KIF26B: variants seen among roughly 807,000 people sequenced by gnomAD.
The protein encoded by KIF26B is kinesin-like protein KIF26B.
A neutral mutation model predicts 151.2 loss-of-function variants in KIF26B; 63 were observed. That is an observed-to-expected ratio of 0.42 (90% CI 0.34 to 0.51). The LOEUF is 0.51. Ranked by LOEUF, KIF26B falls within the 20% of genes least tolerant of loss-of-function variation. The probability of loss-of-function intolerance (pLI) is 0.07; values close to 1 mark genes in which losing one functional copy is unlikely to be tolerated. For synonymous variants in KIF26B, 1,357 were observed against 1,262.1 expected (o/e 1.08, Z -1.59); for missense variants, 2,813 against 2,913.6 (o/e 0.97, Z 0.79).
chr1:245,667,430 C>T lies in KIF26B; in HGVS notation c.2259-16803C>T, dbSNP rs140391509. On this transcript the variant is annotated intron_variant, in intron 10 of 14. Coordinates refer to ENST00000407071, the MANE Select transcript of KIF26B (RefSeq NM_018012.4). This position sits in a 1 kb window ranked among gnomAD's most constrained non-coding sequence, Gnocchi z 4.3. ...CTGGATTCAGACAATCTGCCTGCCT[C>T]GGCCTCCCAAAGTGCTGGGATTACA... Among the ~76,000 whole-genome samples the T allele has an allele frequency of 1.2e-4, 18 of 152,274 alleles. No individual in the cohort carries two copies. The highest frequency in any genetic ancestry group is 7.7e-4 in the East Asian group (4 of 5,174).
chr1:245,501,171 T>C (rs1391322860), intron 4 of KIF26B, among the ~76,000 whole-genome samples: 1 of 152,102 alleles, frequency 6.6e-6, no homozygotes, highest in African/African-American at 2.4e-5. Flanking sequence ...GTGTGAAAAG[T>C]TTGAGAGAGG....
intron 2 of KIF26B, among the ~76,000 whole-genome samples, chr1:245,264,255 A>G (rs1000898716): frequency 6.6e-6 from 1 of 152,212 alleles, no homozygotes; most frequent in East Asian, 1.9e-4. Flanking sequence ...TTTAAAAAAG[A>G]TACTCCGTCT....
intron 2 of KIF26B, among the ~76,000 whole-genome samples, chr1:245,247,439 C>T (rs2103563340): frequency 6.6e-6 from 1 of 152,140 alleles, no homozygotes; most frequent in South Asian, 2.1e-4. Flanking sequence ...GCCTGGGCGA[C>T]AGAGCGAGAC....
chr1:245,357,538 C>A (rs1672725818), intron 2 of KIF26B, among the ~76,000 whole-genome samples: 1 of 152,106 alleles, frequency 6.6e-6, no homozygotes, highest in African/African-American at 2.4e-5. Context: ...ATTCACCATG[C>A]ACATCCAGTG....
chr1:245,453,475 A>G (rs1488850510), intron 4 of KIF26B, among the ~76,000 whole-genome samples: 1 of 152,174 alleles, frequency 6.6e-6, no homozygotes, highest in Non-Finnish European at 1.5e-5. Context: ...TGTGACCAAG[A>G]AGAGTGCCTT....
Position 245,695,298 on chromosome 1 carries a change from G to A in KIF26B, c.5825-2808G>A, listed in dbSNP as rs202051323. Among the ~76,000 whole-genome samples, 8 of 152,128 alleles carry A rather than the reference G, an allele frequency of 5.3e-5. No individual in the cohort carries two copies. In the South Asian group the frequency reaches 8.3e-4, roughly 16 times the overall value. On this transcript the variant is annotated intron_variant, in intron 12 of 14. Coordinates refer to ENST00000407071, the MANE Select transcript of KIF26B (RefSeq NM_018012.4). ...CCAGTAATGTGAGGGCACCATCTCC[G>A]CCCCTGAACTCCCTTCAGGCCACTT...
At chr1:245,264,261 C>A (rs372692689) in intron 2 of KIF26B, among the ~76,000 whole-genome samples, 5 of 152,190 alleles carry the variant, frequency 3.3e-5, no homozygotes, top group African/African-American at 1.2e-4. Context: ...AAAGATACTC[C>A]GTCTCTTCTA....
intron 5 of KIF26B, among the ~76,000 whole-genome samples, chr1:245,545,992 G>A (rs528646092): frequency 1.2e-4 from 18 of 152,314 alleles, no homozygotes; most frequent in Non-Finnish European, 2.4e-4. Flanking sequence ...ATTTTTAAAA[G>A]TGAGAATGGT....
chr1:245,547,594 A>C (rs1661775393), intron 5 of KIF26B, among the ~76,000 whole-genome samples: 4 of 150,698 alleles, frequency 2.7e-5, no homozygotes, highest in African/African-American at 9.9e-5. Flanking sequence ...TCAAAAAAAA[A>C]AAAAAAAAAA....
rs543653610 is a variant in KIF26B at position 245,515,205 on chromosome 1, C to T, written c.1167-25562C>T. Among the ~76,000 whole-genome samples the T allele has an allele frequency of 2.6e-5, 4 of 152,318 alleles. No individual in the cohort carries two copies. In the South Asian group the frequency reaches 8.3e-4, roughly 32 times the overall value. ...CTCACCTTGACTCGTGCCGGTCCCT[C>T]AGCACGACGGGTCCTCCTCCTGGCT... On this transcript the variant is annotated intron_variant, in intron 4 of 14. Transcript: ENST00000407071.
At chr1:245,684,122 TG>T (rs1243616479) in intron 10 of KIF26B, 110 bp from the exon 11 acceptor site, 8 of 1,135,954 alleles carry the variant, frequency 7.0e-6, no homozygotes, top group Non-Finnish European at 7.5e-6. Flanking sequence ...TTAAAAAGGG[TG>T]GGGGGACCAC....
chr1:245,465,795 C>A (rs1337241275), intron 4 of KIF26B, among the ~76,000 whole-genome samples: 3 of 152,216 alleles, frequency 2.0e-5, no homozygotes, highest in Non-Finnish European at 2.9e-5. Flanking sequence ...GCCACGACCA[C>A]CACCCCGAGA....
chr1:245,700,401 A>G (rs955016882), intron 14 of KIF26B, among the ~76,000 whole-genome samples: 1 of 152,096 alleles, frequency 6.6e-6, no homozygotes, highest in Non-Finnish European at 1.5e-5. Flanking sequence ...ACAACAGGAG[A>G]CATTTCCTGG....
intron 2 of KIF26B, among the ~76,000 whole-genome samples, chr1:245,235,166 GT>G (rs1372803602): frequency 1.3e-5 from 2 of 152,172 alleles, no homozygotes; most frequent in African/African-American, 2.4e-5. Context: ...TGTTAGATTT[GT>G]ATAAACTAGG....
intron 5 of KIF26B, among the ~76,000 whole-genome samples, chr1:245,555,529 T>C (rs955689639): frequency 5.9e-5 from 9 of 151,886 alleles, no homozygotes; most frequent in Non-Finnish European, 8.8e-5. Context: ...GAGCGGGCGG[T>C]TGGGGGTCAG....
intron 3 of KIF26B, among the ~76,000 whole-genome samples, chr1:245,403,630 C>T (rs111838017): frequency 1.3e-5 from 2 of 151,738 alleles, no homozygotes; most frequent in Non-Finnish European, 2.9e-5. Context: ...TGTGTGTCCA[C>T]GTGTGTGTGT....
In KIF26B at chr1:245,667,964, C is replaced by T. The variant is rs531950537; in HGVS notation, c.2259-16269C>T. 1.3e-4 allele frequency among the ~76,000 whole-genome samples: 20 copies of T among 152,194 alleles called. No individual in the cohort carries two copies. Among genetic ancestry groups the T allele is most frequent in the Admixed American group, 5.9e-4 (9 of 15,278 alleles). On this transcript the variant is annotated intron_variant, in intron 10 of 14. Coordinates refer to ENST00000407071, the MANE Select transcript of KIF26B (RefSeq NM_018012.4). The surrounding 1 kb of genome is among the most constrained non-coding windows in gnomAD (Gnocchi z 4.3). ...GGAGTGCAGTGCAGTGGCGCAATCT[C>T]AGCTCACTGCAACTTCCACCTCCCA...
chr1:245,300,973 G>A (rs760075134), intron 2 of KIF26B, among the ~76,000 whole-genome samples: 9 of 151,218 alleles, frequency 6.0e-5, no homozygotes, highest in Non-Finnish European at 1.2e-4. Flanking sequence ...GGGATTACAG[G>A]TGCGCACCAC....
Position 245,685,653 on chromosome 1 carries a change from C to T in KIF26B, c.2670C>T (p.Val890=). The change falls in exon 12 of 15, where the codon GTC becomes GTT. Residue 890 remains valine (V), a synonymous_variant. Transcript: ENST00000407071. ...ACAACGAGGGCCCCCCAGACTTTGT[C>T]CCTATCGTGCCAGCCCTGCAGAAGA... ...LTDNEGPPDF[V]PIVPALQKTR... is the part of the protein sequence containing the mutation. 6.2e-7 allele frequency: 1 copy of T among 1,613,280 alleles called. No homozygotes were observed. The highest frequency in any genetic ancestry group is 8.5e-7 in the Non-Finnish European group (1 of 1,179,798).
Sources: gnomAD v4.1 joint callset for allele counts (sites outside exome capture counted in the v4.1 genomes callset) on GRCh38, gnomAD v4.1.1 for gene constraint, Gnocchi (gnomAD v3.1) non-coding constraint, MANE v1.5 for transcripts, NCBI Gene and HGNC (gene_info 2026-07-23, HGNC 2026-07-21) for gene names.